The following USP33 variants were observed in gnomAD, a reference collection of about 807,000 sequenced individuals.
USP33 encodes the protein ubiquitin specific peptidase 33.
USP33 carries 46 observed loss-of-function variants against 124.2 expected under a neutral mutation model. The ratio of observed to expected loss-of-function variants is 0.37; its 90% CI spans 0.29 to 0.47. The LOEUF (loss-of-function observed/expected upper bound fraction) is 0.47, where lower values mean the gene tolerates loss of function less well. Ranked by LOEUF, USP33 falls within the 20% of genes least tolerant of loss-of-function variation. The pLI, the probability that USP33 is intolerant of heterozygous loss-of-function variation, is 0.99. For synonymous variants in USP33, 350 were observed against 352.3 expected, an observed-to-expected ratio of 0.99 and a Z score of 0.07; for missense variants, 851 against 1,070.6, an observed-to-expected ratio of 0.79 and a Z score of 2.86.
intron 21 of USP33, 43 bp from the exon 22 acceptor site, chr1:77,701,514 G>T (rs1674016055): frequency 1.3e-6 from 2 of 1,489,204 alleles, no homozygotes; most frequent in Admixed American, 1.8e-5. Context: ...TCTAAAACTT[G>T]CTTTATGGCA....
chr1:77,731,967 A>G (rs1287670543), intron 7 of USP33, among the ~76,000 whole-genome samples: 1 of 151,946 alleles, frequency 6.6e-6, no homozygotes, highest in Non-Finnish European at 1.5e-5. Context: ...ATCTGGGAGC[A>G]CTGGCATGCA....
At chr1:77,727,231 T>A (rs1677274332) in intron 10 of USP33, among the ~76,000 whole-genome samples, 1 of 152,172 alleles carries the variant, frequency 6.6e-6, no homozygotes, top group African/African-American at 2.4e-5. Context: ...TCGCCAGATT[T>A]TTTTCATCAA....
intron 22 of USP33, among the ~76,000 whole-genome samples, chr1:77,700,284 G>A (rs931814918): frequency 1.3e-5 from 2 of 152,214 alleles, no homozygotes; most frequent in Non-Finnish European, 2.9e-5. Context: ...TCAGGAGGCT[G>A]AAGCAAGAGG....
chr1:77,758,925 A>G (rs1681060589), intron 1 of USP33, among the ~76,000 whole-genome samples: 1 of 152,170 alleles, frequency 6.6e-6, no homozygotes, highest in Non-Finnish European at 1.5e-5. Context: ...GAGAATGTAA[A>G]CTCCAACGGT....
At chr1:77,716,476 G>A (rs1290344469) in intron 17 of USP33, among the ~76,000 whole-genome samples, 1 of 152,160 alleles carries the variant, frequency 6.6e-6, no homozygotes, top group Non-Finnish European at 1.5e-5. Flanking sequence ...CAAGAACAGT[G>A]CTGTAAACAG....
chr1:77,735,216 G>T (rs1678300645), intron 6 of USP33, among the ~76,000 whole-genome samples: 1 of 152,042 alleles, frequency 6.6e-6, no homozygotes, highest in African/African-American at 2.4e-5. Context: ...TATGGTTCAA[G>T]CTAATATTAA....
chr1:77,734,016 T>G (rs1365152488), intron 7 of USP33, among the ~76,000 whole-genome samples: 1 of 152,224 alleles, frequency 6.6e-6, no homozygotes, highest in Non-Finnish European at 1.5e-5. Context: ...TATTAAAGGC[T>G]TTCCATCTAC....
intron 11 of USP33, among the ~76,000 whole-genome samples, chr1:77,725,196 C>T (rs1472281818): frequency 6.6e-6 from 1 of 152,098 alleles, no homozygotes; most frequent in Non-Finnish European, 1.5e-5. Flanking sequence ...CAAAAGACTA[C>T]ATACTATATG....
intron 17 of USP33, 47 bp from the exon 18 acceptor site, chr1:77,715,915 GAAGA>G (rs1675826001): frequency 6.4e-7 from 1 of 1,571,344 alleles, no homozygotes; most frequent in Non-Finnish European, 8.6e-7. Flanking sequence ...AAAAACAACA[GAAGA>G]AAGGAGGATA....
intron 1 of USP33, among the ~76,000 whole-genome samples, chr1:77,744,097 C>G (rs1046936616): frequency 2.0e-5 from 3 of 150,020 alleles, no homozygotes; most frequent in Admixed American, 6.6e-5. Context: ...GCAATCCAAC[C>G]TGAGGACAGA....
At chr1:77,731,200 T>C (rs1438082061) in intron 7 of USP33, among the ~76,000 whole-genome samples, 1 of 152,234 alleles carries the variant, frequency 6.6e-6, no homozygotes, top group Admixed American at 6.5e-5. Context: ...ATTCCAATGA[T>C]GGTCAAATTT....
intron 7 of USP33, among the ~76,000 whole-genome samples, chr1:77,734,000 C>T (rs1422753827): frequency 2.0e-5 from 3 of 152,106 alleles, no homozygotes; most frequent in African/African-American, 7.2e-5. Context: ...AAAAATCTAA[C>T]TCCTTTATTA....
Position 77,697,955 on chromosome 1 carries a change from T to C in USP33, c.2510-24A>G, listed in dbSNP as rs1673581320. On this transcript the variant is annotated intron_variant, in intron 22 of 23. Coordinates refer to ENST00000370794, the MANE Select transcript of USP33 (RefSeq NM_201624.3). ...ATCTAAAGGAAAAAATATCAAAATG[T>C]ATTTTTCAAAGAAATGTAACAAAAA... 3.2e-6 allele frequency: 5 copies of C among 1,579,614 alleles called. No individual in the cohort carries two copies. In the African/African-American group the frequency reaches 6.8e-5, roughly 22 times the overall value.
In USP33 at chr1:77,718,018, T is replaced by C. The variant is rs1676119713; in HGVS notation, c.1767A>G (p.Arg589=). 2 of 1,607,680 alleles carry C rather than the reference T, an allele frequency of 1.2e-6. No homozygotes were observed. Among genetic ancestry groups the C allele is most frequent in the Non-Finnish European group, 1.7e-6 (2 of 1,177,614 alleles). The part of the protein sequence containing the change: ...EILCIHLKRF[R]HELMFSTKIS... ...TTTTGGTGGAAAACATTAGTTCATG[T>C]CTGAATCTTTTAAGGTGGATGCACA... Residue 589 remains arginine, a synonymous_variant, in exon 17 of 24, where the codon AGA becomes AGG. Coordinates refer to ENST00000370794, the MANE Select transcript of USP33 (RefSeq NM_201624.3).
intron 19 of USP33, chr1:77,713,525 C>T (rs1195428720): frequency 4.1e-5 from 14 of 342,244 alleles, no homozygotes; most frequent in Non-Finnish European, 7.2e-5. Context: ...GCTGGGACTA[C>T]AGGCATGCTT....
chr1:77,699,417 C>T (rs952223466), intron 22 of USP33, among the ~76,000 whole-genome samples: 2 of 152,038 alleles, frequency 1.3e-5, no homozygotes, highest in South Asian at 2.1e-4. Flanking sequence ...CTACTCAGGA[C>T]GCTGAGGCAG....
intron 12 of USP33, 88 bp from the exon 13 acceptor site, chr1:77,722,284 C>T (rs2101388606): frequency 1.7e-6 from 2 of 1,144,558 alleles, no homozygotes; most frequent in Non-Finnish European, 2.3e-6. Flanking sequence ...AAGATCAAAG[C>T]ATGTTTAAAT....
rs1447330614 is a variant in USP33 at position 77,696,088 on chromosome 1, C to T, written c.*1229G>A. 6.6e-6 allele frequency: 1 copy of T among 152,158 alleles called. No individual in the cohort carries two copies. Among genetic ancestry groups the T allele is most frequent in the Non-Finnish European group, 1.5e-5 (1 of 68,036 alleles). 9.4% of individuals were successfully genotyped at this position (152,158 alleles called of 1,614,324 possible). A position where few individuals can be genotyped will look rare whatever the true frequency, so the allele number is the denominator to read the frequency against. ...AAACAAAGCCATCATGAATGCTATT[C>T]AACATCCTCAATGTAATCCAGTATG... On this transcript the variant is annotated 3_prime_UTR_variant, in exon 24 of 24. Coordinates refer to ENST00000370794, the MANE Select transcript of USP33 (RefSeq NM_201624.3).
At chr1:77,722,379 A>C in intron 12 of USP33, 183 bp from the exon 13 acceptor site, 1 of 584,190 alleles carries the variant, frequency 1.7e-6, no homozygotes. Flanking sequence ...ACAAAAACAA[A>C]AAACAAAACA....
Sources: gnomAD v4.1 joint callset for allele counts (sites outside exome capture counted in the v4.1 genomes callset) on GRCh38, gnomAD v4.1.1 for gene constraint, MANE v1.5 for transcripts, NCBI Gene and HGNC (gene_info 2026-07-23, HGNC 2026-07-21) for gene names.